HLCS: variants seen among roughly 807,000 people sequenced by gnomAD.
The protein encoded by HLCS is biotin--protein ligase.
Under a neutral mutation model 75.0 loss-of-function variants are expected in HLCS, and 53 were observed. The ratio of observed to expected loss-of-function variants is 0.71; its 90% CI spans 0.57 to 0.89. The LOEUF (loss-of-function observed/expected upper bound fraction) is 0.89. HLCS is among the 40% of genes least tolerant of loss of function. The pLI, the probability that HLCS is intolerant of heterozygous loss-of-function variation, is 0.00. For missense variants in HLCS, 966 were observed against 1,074.0 expected, an observed-to-expected ratio of 0.90 and a Z score of 1.41; for synonymous variants, 431 against 428.6, an observed-to-expected ratio of 1.01 and a Z score of -0.07.
rs541198783 is a variant in HLCS at position 36,798,847 on chromosome 21, CTT to C, written c.1893-31564_1893-31563del. On this transcript the variant is annotated intron_variant, in intron 6 of 10. Transcript: ENST00000674895. ...TTATAAATTTTCTTTGCTGAAGTGT[CTT>C]TTCAAATTTTTGCCTTTTAAAAAAA... is the stretch of plus-strand genomic sequence containing the variant. Among the ~76,000 whole-genome samples, 443 of 152,256 alleles carry C rather than the reference CTT, an allele frequency of 2.9e-3. 2 individuals carry two copies. The highest frequency in any genetic ancestry group is 1.0e-2 in the African/African-American group (414 of 41,564).
At chr21:36,907,919 T>C (rs940761904) in intron 5 of HLCS, among the ~76,000 whole-genome samples, 2 of 151,468 alleles carry the variant, frequency 1.3e-5, no homozygotes, top group African/African-American at 2.4e-5. Context: ...AACAGGAAAA[T>C]GCAAATTAAA....
intron 6 of HLCS, among the ~76,000 whole-genome samples, chr21:36,862,569 C>A (rs1225036486): frequency 6.6e-6 from 1 of 152,206 alleles, no homozygotes; most frequent in African/African-American, 2.4e-5. Context: ...AATAATAAAT[C>A]TATTTTCCTT....
At chr21:36,955,873 C>A (rs2067913459) in intron 2 of HLCS, among the ~76,000 whole-genome samples, 1 of 152,164 alleles carries the variant, frequency 6.6e-6, no homozygotes, top group African/African-American at 2.4e-5. Context: ...CTTTACTGTG[C>A]CTTTTCTATG....
At position 36,774,765 on chromosome 21, in the gene HLCS, C is replaced by T. The variant is rs186005571; in HGVS notation, c.1893-7480G>A. On this transcript the variant is annotated intron_variant, in intron 6 of 10. Coordinates refer to ENST00000674895, the MANE Select transcript of HLCS (RefSeq NM_001352514.2). ...AGCAATGGGGGATGCAGAATCTTCA[C>T]TTCCAGTTCTAGGGTCTCTGAACCT... Among the ~76,000 whole-genome samples, 244 of 152,338 alleles carry T rather than the reference C, an allele frequency of 1.6e-3. 2 individuals carry two copies. The highest frequency in any genetic ancestry group is 0.014 in the Middle Eastern group (4 of 294).
chr21:36,763,933 A>G (rs1025287829), intron 8 of HLCS, among the ~76,000 whole-genome samples: 2 of 152,234 alleles, frequency 1.3e-5, no homozygotes, highest in Non-Finnish European at 2.9e-5. Context: ...TGCACATTGT[A>G]TGTGGTCAAC....
chr21:36,958,916 C>T (rs1419678748), intron 2 of HLCS, among the ~76,000 whole-genome samples: 1 of 152,168 alleles, frequency 6.6e-6, no homozygotes, highest in Non-Finnish European at 1.5e-5. Flanking sequence ...AATGATAATA[C>T]TTTGTAGAGC....
intron 6 of HLCS, among the ~76,000 whole-genome samples, chr21:36,786,457 C>T (rs773554219): frequency 1.3e-5 from 2 of 152,102 alleles, no homozygotes; most frequent in Non-Finnish European, 2.9e-5. Flanking sequence ...TAAAGAACTT[C>T]TTTATTCCAG....
chr21:36,914,813 C>G (rs1251418649), intron 5 of HLCS, among the ~76,000 whole-genome samples: 4 of 152,186 alleles, frequency 2.6e-5, no homozygotes, highest in Non-Finnish European at 4.4e-5. Flanking sequence ...CTCGTGGGTG[C>G]GGGACCGACA....
chr21:36,757,471 G>A (rs3787741), intron 9 of HLCS, among the ~76,000 whole-genome samples: 73,238 of 151,934 alleles, frequency 0.48, 17,908 homozygotes, highest in South Asian at 0.62. Flanking sequence ...AGAAAAGCTG[G>A]ACTTCAGTGT....
intron 8 of HLCS, among the ~76,000 whole-genome samples, chr21:36,763,761 T>A (rs1036562758): frequency 4.6e-5 from 7 of 152,332 alleles, no homozygotes; most frequent in African/African-American, 1.2e-4. Flanking sequence ...GGGAGGGGGC[T>A]ATGGGAAGTG....
chr21:36,966,190 G>A (rs569017266), intron 1 of HLCS, among the ~76,000 whole-genome samples: 1 of 152,322 alleles, frequency 6.6e-6, no homozygotes, highest in South Asian at 2.1e-4. Context: ...GTCCTCACAG[G>A]TGCGCGCCTA....
At chr21:36,850,784 C>G (rs960464908) in intron 6 of HLCS, among the ~76,000 whole-genome samples, 1 of 152,170 alleles carries the variant, frequency 6.6e-6, no homozygotes, top group Admixed American at 6.5e-5. Flanking sequence ...TGGTTGAATT[C>G]TTGCCCTCAA....
At chr21:36,882,369 A>G (rs1156980655) in intron 6 of HLCS, among the ~76,000 whole-genome samples, 4 of 152,074 alleles carry the variant, frequency 2.6e-5, no homozygotes, top group African/African-American at 9.7e-5. Flanking sequence ...TGATTCACCA[A>G]CATCGCACAA....
chr21:36,808,638 T>C (rs2061426558), intron 6 of HLCS, among the ~76,000 whole-genome samples: 1 of 152,226 alleles, frequency 6.6e-6, no homozygotes, highest in Non-Finnish European at 1.5e-5. Context: ...GACAGTGTTA[T>C]AATTTTTGCT....
chr21:36,920,142 G>T (rs1054482062), intron 5 of HLCS, among the ~76,000 whole-genome samples: 4 of 151,946 alleles, frequency 2.6e-5, no homozygotes, highest in Non-Finnish European at 5.9e-5. Flanking sequence ...AGACCAGTTT[G>T]GGCAAAAAGT....
chr21:36,925,509 G>A (rs1569200796), intron 5 of HLCS, among the ~76,000 whole-genome samples: 4 of 152,338 alleles, frequency 2.6e-5, no homozygotes, highest in East Asian at 3.9e-4. Context: ...ACCTTCCTGG[G>A]GGCAGCACGT....
In HLCS at chr21:36,765,148, C is replaced by T. The variant is rs773398782; in HGVS notation, c.1985G>A (p.Ser662Asn). Residue 662 changes from serine to asparagine, a missense_variant, in exon 8 of 11, where the codon AGC (serine) becomes AAC (asparagine). Ser to Asn is a conservative substitution (Grantham distance 46, BLOSUM62 1). Transcript: ENST00000674895. ...GKGRGGNVWL[S>N]PVGCALSTLL... The stretch of plus-strand genomic sequence containing the variant: ...AGTAGAAAGAGCACATCCCACAGGG[C>T]TCAGCCACACATTCCCTCCCCGTCC... 13 of 1,614,108 alleles carry T rather than the reference C, an allele frequency of 8.1e-6. No individual in the cohort carries two copies. Among genetic ancestry groups the T allele is most frequent in the East Asian group, 6.7e-5 (3 of 44,902 alleles).
At position 36,749,060 on chromosome 21, in the gene HLCS, T is replaced by C. The variant is rs1472764786; in HGVS notation, c.*5186A>G. ...GCTTAAGGGGGTGTAATGAAAATGA[T>C]GTAGACATTTTAAGCATTTTCTACA... On this transcript the variant is annotated 3_prime_UTR_variant, in exon 11 of 11. Coordinates refer to ENST00000674895, the MANE Select transcript of HLCS (RefSeq NM_001352514.2). 6.5e-6 allele frequency: 1 copy of C among 152,672 alleles called. No homozygotes were observed. Among genetic ancestry groups the C allele is most frequent in the Non-Finnish European group, 1.5e-5 (1 of 68,050 alleles). 9.5% of individuals were successfully genotyped at this position (152,672 alleles called of 1,614,324 possible).
intron 2 of HLCS, chr21:36,947,804 G>GGCA: frequency 1.0e-6 from 1 of 985,494 alleles, no homozygotes; most frequent in Non-Finnish European, 1.2e-6. Flanking sequence ...GGCATTGGCA[G>GGCA]GCAGCAGCTC....
Sources: allele counts gnomAD v4.1 joint callset (sites outside exome capture counted in the v4.1 genomes callset), GRCh38; gene constraint gnomAD v4.1.1; transcripts MANE v1.5; gene names NCBI Gene and HGNC (gene_info 2026-07-23, HGNC 2026-07-21).